The following CNTLN variants were observed in gnomAD, a reference collection of about 807,000 sequenced individuals.
CNTLN encodes centlein, centrosomal protein.
CNTLN carries 212 observed loss-of-function variants against 180.0 expected under a neutral mutation model. The observed-to-expected ratio is 1.18, with a 90% CI of 1.05 to 1.32. The LOEUF (loss-of-function observed/expected upper bound fraction) is 1.32, where lower values mean the gene tolerates loss of function less well. Among genes scored for constraint, CNTLN ranks in the 40% most tolerant of loss-of-function variants. The pLI is 0.00. For missense variants in CNTLN, 2,095 were observed against 1,610.9 expected (o/e 1.30, Z -5.14); for synonymous variants, 722 against 563.1 (o/e 1.28, Z -3.99).
chr9:17,212,798 C>T (rs996520890), intron 2 of CNTLN, among the ~76,000 whole-genome samples: 1 of 152,150 alleles, frequency 6.6e-6, no homozygotes, highest in South Asian at 2.1e-4. Context: ...TGTATGTGTC[C>T]AGGAATTTAT....
intron 21 of CNTLN, among the ~76,000 whole-genome samples, chr9:17,465,102 C>A: frequency 6.7e-6 from 1 of 150,056 alleles, no homozygotes; most frequent in East Asian, 1.9e-4. Flanking sequence ...AATATATGAC[C>A]CAAAGTAGAA....
chr9:17,434,469 C>G (rs570358248), intron 18 of CNTLN, among the ~76,000 whole-genome samples: 2 of 151,888 alleles, frequency 1.3e-5, no homozygotes, highest in Non-Finnish European at 2.9e-5. Context: ...CTGAACCTTC[C>G]TCTTTGACTT....
chr9:17,389,723 T>C (rs1268334982), intron 14 of CNTLN, among the ~76,000 whole-genome samples: 1 of 78,228 alleles, frequency 1.3e-5, no homozygotes, highest in Non-Finnish European at 3.0e-5. Context: ...TATTTGTATA[T>C]AGTAGAAATG....
chr9:17,181,573 G>A (rs75864203), intron 2 of CNTLN, among the ~76,000 whole-genome samples: 3,083 of 152,304 alleles, frequency 0.02, 103 homozygotes, highest in African/African-American at 0.07. Flanking sequence ...CTGGTTCTTG[G>A]TATAACAAAT....
chr9:17,457,197 C>T (rs1831177769), intron 18 of CNTLN, among the ~76,000 whole-genome samples: 1 of 152,092 alleles, frequency 6.6e-6, no homozygotes, highest in African/African-American at 2.4e-5. Flanking sequence ...ACTACATCAG[C>T]TCTGAAGTCA....
intron 7 of CNTLN, among the ~76,000 whole-genome samples, chr9:17,306,401 G>A (rs150905070): frequency 0.015 from 2,328 of 152,184 alleles, 59 homozygotes; most frequent in African/African-American, 0.053. Flanking sequence ...CGCCAGCCTC[G>A]GTCTCCCAAA....
chr9:17,182,392 A>G (rs1385558375), intron 2 of CNTLN, among the ~76,000 whole-genome samples: 2 of 152,126 alleles, frequency 1.3e-5, no homozygotes, highest in African/African-American at 4.8e-5. Context: ...GCTGTTTAAT[A>G]ACAAGGTCCC....
rs1823277669 is a variant in CNTLN at position 17,211,184 on chromosome 9, T to C, written c.450-15019T>C. Among the ~76,000 whole-genome samples, 11 of 152,324 alleles carry C rather than the reference T, an allele frequency of 7.2e-5. 1 individual carries two copies. In the South Asian group the frequency reaches 2.3e-3, roughly 32 times the overall value. On this transcript the variant is annotated intron_variant, in intron 2 of 25. Transcript: ENST00000380647. The stretch of plus-strand genomic sequence containing the variant: ...GGTTTTCTTCTAGGGTTTTTATGGT[T>C]TTAGGTCTAACGTTTAAGTCTTTAA...
the CNTLN span, among the ~76,000 whole-genome samples, chr9:17,522,836 A>G: frequency 6.6e-6 from 1 of 152,020 alleles, no homozygotes. Flanking sequence ...TTTTCCATTC[A>G]CCTGCATGAT....
chr9:17,480,155 C>A (rs1230460503), intron 23 of CNTLN, among the ~76,000 whole-genome samples: 1 of 152,062 alleles, frequency 6.6e-6, no homozygotes, highest in African/African-American at 2.4e-5. Flanking sequence ...TACACCACTG[C>A]ATTTCAGCCC....
chr9:17,319,697 A>G (rs1454663620), intron 8 of CNTLN, among the ~76,000 whole-genome samples: 2 of 152,230 alleles, frequency 1.3e-5, no homozygotes, highest in Non-Finnish European at 2.9e-5. Flanking sequence ...GAGTTTCATT[A>G]AGATTACACA....
At chr9:17,349,231 G>C (rs1251161628) in intron 12 of CNTLN, among the ~76,000 whole-genome samples, 1 of 152,102 alleles carries the variant, frequency 6.6e-6, no homozygotes, top group African/African-American at 2.4e-5. Context: ...GAGGAATAGA[G>C]ATAAATACAT....
chr9:17,457,345 C>T (rs1373910538), intron 18 of CNTLN, among the ~76,000 whole-genome samples, 179 bp from the exon 19 acceptor site: 1 of 152,010 alleles, frequency 6.6e-6, no homozygotes, highest in African/African-American at 2.4e-5. Flanking sequence ...GCAAGCCATA[C>T]TACTATAAGC....
intron 1 of CNTLN, among the ~76,000 whole-genome samples, chr9:17,137,386 T>C (rs2131392169): frequency 6.6e-6 from 1 of 152,324 alleles, no homozygotes. Context: ...AAATATTCAC[T>C]TTTATATCTT....
intron 2 of CNTLN, among the ~76,000 whole-genome samples, chr9:17,172,703 G>A (rs1056288690): frequency 7.2e-5 from 11 of 151,928 alleles, no homozygotes; most frequent in African/African-American, 2.7e-4. Context: ...TAAAAAAAGG[G>A]AAATTTTACT....
At chr9:17,261,803 A>G (rs1193372004) in intron 5 of CNTLN, among the ~76,000 whole-genome samples, 1 of 151,568 alleles carries the variant, frequency 6.6e-6, no homozygotes, top group African/African-American at 2.4e-5. Context: ...GTCAACCTAC[A>G]GAATGAAAGA....
intron 5 of CNTLN, among the ~76,000 whole-genome samples, chr9:17,263,436 C>T (rs1380856946): frequency 2.0e-5 from 3 of 151,094 alleles, no homozygotes; most frequent in Non-Finnish European, 2.9e-5. Context: ...TTAATCCAGT[C>T]TGTCTTTGTT....
chr9:17,225,416 C>T (rs1002346543), intron 2 of CNTLN, among the ~76,000 whole-genome samples: 1 of 152,008 alleles, frequency 6.6e-6, no homozygotes, highest in Non-Finnish European at 1.5e-5. Flanking sequence ...GTGATTCTCA[C>T]AGATATAGAT....
the CNTLN span, among the ~76,000 whole-genome samples, chr9:17,522,376 C>T: frequency 2.0e-5 from 3 of 152,110 alleles, no homozygotes; most frequent in South Asian, 2.1e-4. Flanking sequence ...CTAACTTGCC[C>T]AAGATTCCAC....
Sources: allele counts gnomAD v4.1 joint callset (sites outside exome capture counted in the v4.1 genomes callset), GRCh38; gene constraint gnomAD v4.1.1; transcripts MANE v1.5; gene names NCBI Gene and HGNC (gene_info 2026-07-23, HGNC 2026-07-21).